The following PLXNA3 variants were observed in gnomAD, a reference collection of about 807,000 sequenced individuals.
The protein encoded by PLXNA3 is plexin-A3.
A neutral mutation model predicts 118.8 loss-of-function variants in PLXNA3; 52 were observed. The observed-to-expected ratio is 0.44, with a 90% confidence interval of 0.35 to 0.55. The LOEUF (loss-of-function observed/expected upper bound fraction) is 0.55. PLXNA3 is among the 20% of genes least tolerant of loss of function. The probability of loss-of-function intolerance (pLI) is 0.01; values close to 1 mark genes in which losing one functional copy is unlikely to be tolerated. For synonymous variants in PLXNA3, 925 were observed against 762.4 expected (o/e 1.21, Z -3.51); for missense variants, 1,660 against 1,730.8 (o/e 0.96, Z 0.73).
chrX:154,462,025 A>G, intron 3 of PLXNA3, 103 bp from the exon 4 acceptor site: 1 of 677,707 alleles, frequency 1.5e-6, no homozygotes, highest in Non-Finnish European at 2.2e-6. Flanking sequence ...GCTGGAGGGG[A>G]CCGGGTTCTA....
In PLXNA3 at chrX:154,471,335, G is replaced by A. The variant is rs1557209432; in HGVS notation, c.5369+18G>A. On this transcript the variant is annotated intron_variant, in intron 31 of 32. Coordinates refer to ENST00000369682, the MANE Select transcript of PLXNA3 (RefSeq NM_017514.5). ...GTGGAGAGGTGGGCTCCGCCCTGCT[G>A]TGGGTGGCAGAGGGCAGGACCTGCC... The A allele has an allele frequency of 8.4e-7, 1 of 1,192,900 alleles. No individual in the cohort carries two copies. Among genetic ancestry groups the A allele is most frequent in the African/African-American group, 1.8e-5 (1 of 57,007 alleles).
In PLXNA3 at chrX:154,468,571, G is replaced by A. The variant is rs377631893; in HGVS notation, c.4220+12G>A. ...CTGCTGCTACGCAGGTACCTGCCTT[G>A]CTCTATCCAGGCCACACCTTTGTCC... On this transcript the variant is annotated intron_variant, in intron 23 of 32. Coordinates refer to ENST00000369682, the MANE Select transcript of PLXNA3 (RefSeq NM_017514.5). The A allele has an allele frequency of 9.9e-6, 12 of 1,206,993 alleles. No homozygotes were observed. Among genetic ancestry groups the A allele is most frequent in the East Asian group, 5.9e-5 (2 of 33,699 alleles).
intron 21 of PLXNA3, 39 bp from the exon 22 acceptor site, chrX:154,468,043 C>T (rs781818140): frequency 5.0e-6 from 6 of 1,197,438 alleles, no homozygotes; most frequent in East Asian, 3.0e-5. Context: ...AGCTGGGGAC[C>T]TCCCTCCTGC....
chrX:154,462,917 G>T (rs1388713032), intron 4 of PLXNA3, among the ~76,000 whole-genome samples: 1 of 111,320 alleles, frequency 9.0e-6, no homozygotes, highest in African/African-American at 3.3e-5. Context: ...CCCCCAGGAG[G>T]GCAAGTGTTG....
chrX:154,467,673 C>T lies in PLXNA3; in HGVS notation c.3570C>T (p.Gly1190=). Residue 1190 remains glycine, a synonymous_variant, in exon 20 of 33, where the codon GGC becomes GGT. Coordinates refer to ENST00000369682, the MANE Select transcript of PLXNA3 (RefSeq NM_017514.5). ...TGTGCGACTCACCCAGCCAGACTGG[C>T]CGGCAGCCTGTCATGGTAGGTGGGG... ...QLLCDSPSQT[G]RQPVMVLVGG... 1 of 1,207,905 alleles carries T rather than the reference C, an allele frequency of 8.3e-7. No homozygotes were observed. Among genetic ancestry groups the T allele is most frequent in the Non-Finnish European group, 1.1e-6 (1 of 894,694 alleles).
chrX:154,466,592 C>T lies in PLXNA3; in HGVS notation c.2937-31C>T, dbSNP rs2069089972. ...ACGGGTGGCTGAGGGCCCTGGGCCACCCGCTCCAAGCACCCTGCTTGCCAA... is the reference window on the plus strand; with the variant it reads ...ACGGGTGGCTGAGGGCCCTGGGCCATCCGCTCCAAGCACCCTGCTTGCCAA... On this transcript the variant is annotated intron_variant, in intron 16 of 32. Transcript: ENST00000369682. 5.9e-6 allele frequency: 7 copies of T among 1,192,074 alleles called. No individual in the cohort carries two copies. In the African/African-American group the frequency reaches 1.2e-4, roughly 21 times the overall value.
At chrX:154,471,752 G>C in intron 32 of PLXNA3, 114 bp downstream of exon 32, 1 of 692,133 alleles carries the variant, frequency 1.4e-6, no homozygotes, top group Non-Finnish European at 2.2e-6. Context: ...CCCTGACCAG[G>C]GCCTGGGGCC....
At chrX:154,462,348 A>G in intron 4 of PLXNA3, 38 bp downstream of exon 4, 1 of 1,018,291 alleles carries the variant, frequency 9.8e-7, no homozygotes, top group South Asian at 2.5e-5. Context: ...GGGTGGGGAC[A>G]GTCTCAGATA....
intron 11 of PLXNA3, 56 bp from the exon 12 acceptor site, chrX:154,465,368 C>T: frequency 9.2e-7 from 1 of 1,085,760 alleles, no homozygotes; most frequent in Non-Finnish European, 1.3e-6. Context: ...TGGCAAAAAT[C>T]TTGGGTAGGG....
chrX:154,471,249 G>A lies in PLXNA3; in HGVS notation c.5301G>A (p.Gly1767=), dbSNP rs781976607. Residue 1767 remains glycine, a synonymous_variant, in exon 31 of 33, where the codon GGG becomes GGA. Transcript: ENST00000369682. The part of the protein sequence containing the change: ...DSCSTSEHRL[G]KDSPSNKLLY... The stretch of plus-strand genomic sequence containing the variant: ...GCTCTACATCCGAGCACCGCCTGGG[G>A]AAGGACTCGCCCTCCAACAAACTGC... The A allele has an allele frequency of 1.5e-5, 18 of 1,210,007 alleles. No individual in the cohort carries two copies. The African/African-American group carries it at 2.8e-4, about 19-fold the overall frequency.
At position 154,466,279 on chromosome X, in the gene PLXNA3, C is replaced by T. The variant is rs1557207070; in HGVS notation, c.2799+9C>T. 1 of 1,208,283 alleles carries T rather than the reference C, an allele frequency of 8.3e-7. No individual in the cohort carries two copies. Among genetic ancestry groups the T allele is most frequent in the African/African-American group, 1.7e-5 (1 of 57,429 alleles). On this transcript the variant is annotated intron_variant, in intron 15 of 32. Coordinates refer to ENST00000369682, the MANE Select transcript of PLXNA3 (RefSeq NM_017514.5). ...AGGTCTACAGCTTTGTGGTGCGTGGCTGCCGGCCCTACCCCTTCCTGTCCC... is the reference window on the plus strand; with the variant it reads ...AGGTCTACAGCTTTGTGGTGCGTGGTTGCCGGCCCTACCCCTTCCTGTCCC...
chrX:154,467,967 C>T lies in PLXNA3; in HGVS notation c.3786C>T (p.Asn1262=). 1 of 1,210,521 alleles carries T rather than the reference C, an allele frequency of 8.3e-7. No individual in the cohort carries two copies. The highest frequency in any genetic ancestry group is 1.1e-6 in the Non-Finnish European group (1 of 894,744). The change falls in exon 21 of 33, where the codon AAC becomes AAT. Residue 1262 remains asparagine, a synonymous_variant. Coordinates refer to ENST00000369682, the MANE Select transcript of PLXNA3 (RefSeq NM_017514.5). ...AGCGTCTGCAGCTGCAGATGGACAA[C>T]CTGGAGTCCCGTGTGGCCCTGGAGT... ...TLKRLQLQMD[N]LESRVALECK...
Position 154,467,192 on chromosome X carries a change from A to G in PLXNA3, c.3202-40A>G, listed in dbSNP as rs201344334. ...CCGCCCCACCCCGACCCTGCAGCCC[A>G]TGGCTTCACGTGCCTGGCTGTCCAC... is the stretch of plus-strand genomic sequence containing the variant. On this transcript the variant is annotated intron_variant, in intron 18 of 32. Transcript: ENST00000369682. 2.1e-3 allele frequency: 2,505 copies of G among 1,204,175 alleles called. 68 individuals are homozygous for G. In the Admixed American group the frequency reaches 0.052, roughly 25 times the overall value.
Position 154,465,471 on chromosome X carries a change from C to T in PLXNA3, c.2292C>T (p.Ser764=), listed in dbSNP as rs781965974. 1.9e-5 allele frequency: 23 copies of T among 1,208,066 alleles called. No homozygotes were observed. The East Asian group carries it at 5.0e-4, about 26-fold the overall frequency. The change falls in exon 12 of 33, where the codon TCC becomes TCT. Residue 764 remains serine, a synonymous_variant. Coordinates refer to ENST00000369682, the MANE Select transcript of PLXNA3 (RefSeq NM_017514.5). The part of the protein sequence containing the change: ...DEHGDTELDF[S]VVWDGDFPID... Reference sequence around the variant, plus strand: ...ATGGTGACACCGAGCTGGACTTTTCCGTGGTCTGGGATGGAGACTTCCCCA... The same window carrying T: ...ATGGTGACACCGAGCTGGACTTTTCTGTGGTCTGGGATGGAGACTTCCCCA...
intron 4 of PLXNA3, among the ~76,000 whole-genome samples, chrX:154,462,969 A>C (rs2069002605): frequency 9.2e-6 from 1 of 108,998 alleles, no homozygotes; most frequent in Admixed American, 9.7e-5. Context: ...AGGATGATGA[A>C]CTCTCCTGGC....
Position 154,460,249 on chromosome X carries a change from C to G in PLXNA3, c.66C>G (p.Pro22=), listed in dbSNP as rs782614980. ...TGGGGGGGGCCCTGGGCAACAGGCC[C>G]TTCCGTGCCTTCGTGGTGACAGACA... ...LAVGGALGNR[P]FRAFVVTDTT... The change falls in exon 2 of 33, where the codon CCC becomes CCG. Residue 22 remains proline (P), a synonymous_variant. Transcript: ENST00000369682. 2 of 1,209,999 alleles carry G rather than the reference C, an allele frequency of 1.7e-6. No homozygotes were observed. The highest frequency in any genetic ancestry group is 5.9e-5 in the East Asian group (2 of 33,843).
rs201164440 is a variant in PLXNA3 at position 154,460,554 on chromosome X, G to A, written c.371G>A (p.Arg124His). The A allele has an allele frequency of 1.0e-4, 121 of 1,208,790 alleles. No individual in the cohort carries two copies. Among genetic ancestry groups the A allele is most frequent in the Middle Eastern group, 2.3e-4 (1 of 4,357 alleles). The change falls in exon 2 of 33, where the codon CGT becomes CAT. Residue 124 changes from arginine to histidine, a missense_variant. By Grantham distance (29) the Arg-to-His change is conservative. Transcript: ENST00000369682. The part of the protein sequence containing the change: ...SIWQGICQFL[R>H]LDDLFKLGEP... ...TGGCAGGGCATCTGCCAGTTCCTGC[G>A]TCTGGACGACCTCTTCAAGCTGGGT...
Position 154,467,822 on chromosome X carries a change from G to A in PLXNA3, c.3641G>A (p.Arg1214Gln), listed in dbSNP as rs782542687. 2.2e-5 allele frequency: 27 copies of A among 1,203,385 alleles called. No individual in the cohort carries two copies. Among genetic ancestry groups the A allele is most frequent in the East Asian group, 5.9e-5 (2 of 33,690 alleles). ...GGCACCCTGCACATCTCGGCAGAGC[G>A]GGCGCTGACCCTACCGGCCATGATG... The part of the protein sequence containing the change: ...WLGTLHISAE[R>Q]ALTLPAMMGL... Residue 1214 changes from arginine to glutamine, a missense_variant, in exon 21 of 33, where the codon CGG (arginine) becomes CAG (glutamine). Arg to Gln is a conservative substitution (Grantham distance 43, BLOSUM62 1). This residue lies in a region of PLXNA3 where 869 missense variants were observed against 1,078.7 expected (regional missense o/e 0.81). Transcript: ENST00000369682.
In PLXNA3 at chrX:154,463,464, G is replaced by C; in HGVS notation, c.1391G>C (p.Arg464Pro). ...GTGGTGGATGGCAGCCCCATCCTCC[G>C]AGACCTGCTCTTCAGCCCGGACCAC... ...VPVVDGSPIL[R>P]DLLFSPDHRH... The change falls in exon 5 of 33, where the codon CGA (arginine) becomes CCA (proline). Residue 464 changes from arginine (R) to proline (P), a missense_variant. Transcript: ENST00000369682. 6 of 1,208,774 alleles carry C rather than the reference G, an allele frequency of 5.0e-6. No individual in the cohort carries two copies. Among genetic ancestry groups the C allele is most frequent in the Non-Finnish European group, 6.7e-6 (6 of 894,501 alleles).
Sources: allele counts gnomAD v4.1 joint callset (sites outside exome capture counted in the v4.1 genomes callset), GRCh38; gene constraint gnomAD v4.1.1; regional missense constraint gnomAD v4.1.1; transcripts MANE v1.5; gene names NCBI Gene and HGNC (gene_info 2026-07-23, HGNC 2026-07-21).